SLAIN1: variants seen among roughly 807,000 people sequenced by gnomAD.
The protein encoded by SLAIN1 is SLAIN family member 1.
SLAIN1 carries 17 observed loss-of-function variants against 55.4 expected under a neutral mutation model. The observed-to-expected ratio is 0.31, with a 90% CI of 0.21 to 0.46. The LOEUF is 0.46. Among genes scored for constraint, SLAIN1 ranks in the 20% least tolerant of loss-of-function variants. The pLI, the probability that SLAIN1 is intolerant of heterozygous loss-of-function variation, is 1.00. For missense variants in SLAIN1, 682 were observed against 785.1 expected, an observed-to-expected ratio of 0.87 and a Z score of 1.57; for synonymous variants, 348 against 337.4, an observed-to-expected ratio of 1.03 and a Z score of -0.35.
rs750100758 is a variant in SLAIN1 at position 77,735,912 on chromosome 13, G to GT, written c.767-8361dup. On this transcript the variant is annotated intron_variant, in intron 2 of 6. Transcript: ENST00000418532. ...AAGATTATCTTCAGTCACTGGGGTGGTTTTTTTTTTCCTCTTAATTATGGT... is the reference window on the plus strand; with the variant it reads ...AAGATTATCTTCAGTCACTGGGGTGGTTTTTTTTTTTCCTCTTAATTATGGT... 4.0e-4 allele frequency among the ~76,000 whole-genome samples: 59 copies of GT among 148,170 alleles called. 1 individual carries two copies. In the East Asian group the frequency reaches 5.4e-3, roughly 13 times the overall value.
intron 2 of SLAIN1, among the ~76,000 whole-genome samples, chr13:77,732,295 G>A (rs1386303477): frequency 1.3e-5 from 2 of 152,066 alleles, no homozygotes; most frequent in Admixed American, 6.5e-5. Flanking sequence ...AAGACTCTTA[G>A]TAAAAATCTA....
In SLAIN1 at chr13:77,760,836, C is replaced by A. The variant is rs1326707840; in HGVS notation, c.1423C>A (p.Pro475Thr). Residue 475 changes from proline (P) to threonine (T), a missense_variant, in exon 6 of 7, where the codon CCG (proline) becomes ACG (threonine). This residue lies in a region of SLAIN1 where 244 missense variants were observed against 295.2 expected (regional missense o/e 0.83). Coordinates refer to ENST00000418532, the MANE Select transcript of SLAIN1 (RefSeq NM_001242868.2). ...ATCATTTTCTCTTCTAGTTCCATCA[C>A]CGGGACAGCTTCAACACAGGGTCCA... ...ISRIQSCIPS[P>T]GQLQHRVHSV... 9 of 1,613,148 alleles carry A rather than the reference C, an allele frequency of 5.6e-6. No homozygotes were observed. In the East Asian group the frequency reaches 2.0e-4, roughly 36 times the overall value.
At chr13:77,707,940 G>A (rs913146606) in intron 1 of SLAIN1, among the ~76,000 whole-genome samples, 1 of 152,166 alleles carries the variant, frequency 6.6e-6, no homozygotes, top group Non-Finnish European at 1.5e-5. Context: ...CTGTATTGGA[G>A]GGGATTTGGG....
chr13:77,757,037 G>T (rs574341300), intron 5 of SLAIN1, among the ~76,000 whole-genome samples: 25 of 152,282 alleles, frequency 1.6e-4, no homozygotes, highest in African/African-American at 5.3e-4. Context: ...TGCTTCAGAA[G>T]AAATTGAGCC....
At chr13:77,730,032 CAG>C (rs543755151) in intron 2 of SLAIN1, among the ~76,000 whole-genome samples, 169 of 152,126 alleles carry the variant, frequency 1.1e-3, no homozygotes, top group African/African-American at 3.9e-3. Context: ...CTTTCAGTCT[CAG>C]AGACATTGGA....
chr13:77,734,578 C>T (rs1873021184), intron 2 of SLAIN1, among the ~76,000 whole-genome samples: 1 of 152,068 alleles, frequency 6.6e-6, no homozygotes, highest in Non-Finnish European at 1.5e-5. Context: ...ACTAAGTCGC[C>T]ATAGTTGTCT....
At chr13:77,761,856 G>A (rs1206801975) in intron 6 of SLAIN1, among the ~76,000 whole-genome samples, 2 of 152,018 alleles carry the variant, frequency 1.3e-5, no homozygotes, top group Non-Finnish European at 2.9e-5. Context: ...CATAAAAGTG[G>A]TTTGAGGAGA....
At chr13:77,751,172 G>C (rs1046570995) in intron 4 of SLAIN1, among the ~76,000 whole-genome samples, 1 of 152,030 alleles carries the variant, frequency 6.6e-6, no homozygotes. Context: ...TCTGATATGT[G>C]CACTTTAGTG....
intron 4 of SLAIN1, among the ~76,000 whole-genome samples, chr13:77,747,480 C>G (rs1425201263): frequency 6.6e-6 from 1 of 152,136 alleles, no homozygotes; most frequent in Non-Finnish European, 1.5e-5. Context: ...CAGGGTTGTA[C>G]AAGCTGAGAA....
chr13:77,702,480 G>T (rs1482466214), intron 1 of SLAIN1, among the ~76,000 whole-genome samples: 1 of 152,084 alleles, frequency 6.6e-6, no homozygotes, highest in African/African-American at 2.4e-5. Context: ...ATGTCACCAG[G>T]CTCTGCAGCA....
intron 4 of SLAIN1, among the ~76,000 whole-genome samples, chr13:77,748,357 T>TTATTAAAATTGAG (rs1395845181): frequency 2.0e-5 from 3 of 151,304 alleles, no homozygotes; most frequent in African/African-American, 7.3e-5. Flanking sequence ...TCATAACATC[T>TTATTAAAATTGAG]TATTAAAATT....
At chr13:77,741,057 G>A in intron 2 of SLAIN1, 1 of 618,926 alleles carries the variant, frequency 1.6e-6, no homozygotes, top group Non-Finnish European at 2.0e-6. Flanking sequence ...TGTGTCAATT[G>A]TGCAGGGAGG....
chr13:77,706,148 T>C (rs946358643), intron 1 of SLAIN1, among the ~76,000 whole-genome samples: 8 of 152,146 alleles, frequency 5.3e-5, no homozygotes, highest in African/African-American at 1.9e-4. Flanking sequence ...AAACAGTCTT[T>C]ATACTTTTAT....
At chr13:77,750,213 A>C (rs189075641) in intron 4 of SLAIN1, among the ~76,000 whole-genome samples, 15 of 152,292 alleles carry the variant, frequency 9.8e-5, no homozygotes, top group Admixed American at 9.2e-4. Context: ...GCAAAATGGA[A>C]ACAACCAGTA....
At chr13:77,732,240 T>C (rs187123153) in intron 2 of SLAIN1, among the ~76,000 whole-genome samples, 77 of 152,260 alleles carry the variant, frequency 5.1e-4, no homozygotes, top group African/African-American at 1.7e-3. Flanking sequence ...CAGTGCTTTC[T>C]AAAAGCTTGG....
intron 2 of SLAIN1, among the ~76,000 whole-genome samples, chr13:77,724,820 A>G (rs961607005): frequency 1.3e-5 from 2 of 152,108 alleles, no homozygotes; most frequent in African/African-American, 4.8e-5. Flanking sequence ...TACATGTGCC[A>G]TGTTGGTGTG....
intron 5 of SLAIN1, among the ~76,000 whole-genome samples, chr13:77,757,234 A>G (rs1408444675): frequency 6.6e-6 from 1 of 152,118 alleles, no homozygotes; most frequent in Admixed American, 6.6e-5. Flanking sequence ...CTGAACTAGT[A>G]TATTAAATAT....
At chr13:77,734,985 A>T (rs1207006130) in intron 2 of SLAIN1, among the ~76,000 whole-genome samples, 1 of 152,078 alleles carries the variant, frequency 6.6e-6, no homozygotes, top group Non-Finnish European at 1.5e-5. Flanking sequence ...GTGCCACTGC[A>T]CTCCAGCCTG....
chr13:77,700,850 G>T (rs991784092), intron 1 of SLAIN1, among the ~76,000 whole-genome samples: 1 of 151,980 alleles, frequency 6.6e-6, no homozygotes, highest in African/African-American at 2.4e-5. Flanking sequence ...CATGCTCATT[G>T]TAAAAAAACT....
Sources: allele counts gnomAD v4.1 joint callset (sites outside exome capture counted in the v4.1 genomes callset), GRCh38; gene constraint gnomAD v4.1.1; regional missense constraint gnomAD v4.1.1; transcripts MANE v1.5; gene names NCBI Gene and HGNC (gene_info 2026-07-23, HGNC 2026-07-21).